The following TSC2 variants were observed in gnomAD, a reference collection of about 807,000 sequenced individuals.
TSC2 encodes the protein tuberin.
TSC2 carries 29 observed loss-of-function variants against 202.2 expected under a neutral mutation model. That is an observed-to-expected ratio of 0.14 (90% CI 0.11 to 0.20). TSC2 has a LOEUF of 0.20. Among genes scored for constraint, TSC2 ranks in the 10% least tolerant of loss-of-function variants. The probability of loss-of-function intolerance (pLI) is 1.00; values close to 1 mark genes in which losing one functional copy is unlikely to be tolerated. For synonymous variants in TSC2, 1,349 were observed against 1,044.0 expected, an observed-to-expected ratio of 1.29 and a Z score of -5.63; for missense variants, 2,429 against 2,420.0, an observed-to-expected ratio of 1.00 and a Z score of -0.08.
At chr16:2,083,941 A>C in intron 33 of TSC2, 125 bp downstream of exon 33, 1 of 1,444,270 alleles carries the variant, frequency 6.9e-7, no homozygotes, top group Non-Finnish European at 9.2e-7. Flanking sequence ...GTTCTTCCAC[A>C]TCCCTCGTGC....
intron 39 of TSC2, 26 bp from the exon 40 acceptor site, chr16:2,088,022 C>G (rs1203670927): frequency 6.2e-7 from 1 of 1,611,508 alleles, no homozygotes; most frequent in Non-Finnish European, 8.5e-7. Context: ...AGCCCTGGGC[C>G]TGGCGTGACC....
At chr16:2,082,232 G>A in intron 31 of TSC2, 1 of 629,742 alleles carries the variant, frequency 1.6e-6, no homozygotes, top group East Asian at 2.7e-5. Flanking sequence ...AGCGGCCTAG[G>A]ACGTCTATTC....
intron 16 of TSC2, chr16:2,068,925 C>T (rs2087800234): frequency 6.6e-6 from 1 of 150,850 alleles, no homozygotes; most frequent in Non-Finnish European, 1.5e-5. Context: ...TTTCCTGTTC[C>T]TTAAGTGGAA....
At chr16:2,054,054 C>T (rs368443882) in intron 4 of TSC2, 15 of 591,282 alleles carry the variant, frequency 2.5e-5, no homozygotes, top group African/African-American at 1.3e-4. Flanking sequence ...CTGCGCCACC[C>T]GCTGTGCCAG....
In TSC2 at chr16:2,089,417, C is replaced by T. The variant is rs1567141262; in HGVS notation, c.*807C>T. 3 of 466,834 alleles carry T rather than the reference C, an allele frequency of 6.4e-6. No homozygotes were observed. In the Admixed American group the frequency reaches 1.1e-4, roughly 17 times the overall value. 28.9% of individuals were successfully genotyped at this position (466,834 alleles called of 1,614,324 possible). A position where few individuals can be genotyped will look rare whatever the true frequency, so the allele number is the denominator to read the frequency against. ...GCCTTAGCAGTGGGGGACATCTGCC[C>T]AGGGGGTGGGGCCGGGCACAGCCCG... On this transcript the variant is annotated 3_prime_UTR_variant, in exon 42 of 42. Transcript: ENST00000219476.
intron 16 of TSC2, among the ~76,000 whole-genome samples, chr16:2,067,752 A>G (rs1298338438): frequency 6.6e-6 from 1 of 152,178 alleles, no homozygotes; most frequent in Admixed American, 6.5e-5. Flanking sequence ...CCTAGGCAAC[A>G]AGAATGAAAC....
intron 32 of TSC2, 157 bp from the exon 33 acceptor site, chr16:2,083,538 C>T: frequency 7.5e-7 from 1 of 1,327,522 alleles, no homozygotes; most frequent in South Asian, 1.3e-5. Context: ...CAGCGTCCTC[C>T]CTGCCCGCTC....
intron 3 of TSC2, among the ~76,000 whole-genome samples, chr16:2,052,354 G>T (rs550323820): frequency 1.3e-5 from 2 of 152,116 alleles, no homozygotes; most frequent in South Asian, 4.1e-4. Context: ...CTGTCACCCA[G>T]GCCGGGGTGC....
intron 7 of TSC2, 43 bp from the exon 8 acceptor site, chr16:2,056,601 G>C (rs1279748015): frequency 4.4e-6 from 7 of 1,602,156 alleles, no homozygotes; most frequent in Non-Finnish European, 5.9e-6. Flanking sequence ...CTGTGGGGAG[G>C]AGCTGGGGTA....
At chr16:2,072,619 C>T in intron 20 of TSC2, 1 of 816,162 alleles carries the variant, frequency 1.2e-6, no homozygotes, top group Non-Finnish European at 1.9e-6. Flanking sequence ...CCCATCTGTG[C>T]TTTTCCTAAG....
In TSC2 at chr16:2,056,739, C is replaced by T. The variant is rs767565673; in HGVS notation, c.744C>T (p.Asn248=). 21 of 1,611,356 alleles carry T rather than the reference C, an allele frequency of 1.3e-5. No homozygotes were observed. Among genetic ancestry groups the T allele is most frequent in the Admixed American group, 3.3e-5 (2 of 60,002 alleles). Residue 248 remains asparagine (N), a synonymous_variant, in exon 8 of 42, where the codon AAC becomes AAT. Transcript: ENST00000219476. ...TCGTTACCCTCTGTCGCACCATCAACGTCAAGGAGCTCTGCGAGCCTTGCT... is the reference window on the plus strand; with the variant it reads ...TCGTTACCCTCTGTCGCACCATCAATGTCAAGGAGCTCTGCGAGCCTTGCT... ...LFIVTLCRTI[N]VKELCEPCWK... is the part of the protein sequence containing the mutation.
In TSC2 at chr16:2,084,319, A is replaced by C. The variant is rs755461310; in HGVS notation, c.4097A>C (p.Glu1366Ala). The change falls in exon 34 of 42, where the codon GAG becomes GCG. Residue 1366 changes from glutamate (E) to alanine (A), a missense_variant. Physicochemically the swap from Glu to Ala is moderately radical, Grantham distance 107. Transcript: ENST00000219476. The stretch of plus-strand genomic sequence containing the variant: ...CCCATCGAGCGAGTCGTCTCCTCGG[A>C]GGGTGGCCGGCCCTCTGTGGACCTC... Reference protein sequence around the residue: ...GIPIERVVSSEGGRPSVDLSF... With the variant: ...GIPIERVVSSAGGRPSVDLSF... The C allele has an allele frequency of 3.1e-6, 5 of 1,612,684 alleles. No homozygotes were observed. The highest frequency in any genetic ancestry group is 4.2e-6 in the Non-Finnish European group (5 of 1,179,956).
Position 2,086,721 on chromosome 16 carries a change from C to G in TSC2, c.4850-11C>G. The G allele has an allele frequency of 1.2e-6, 2 of 1,609,292 alleles. No individual in the cohort carries two copies. Among genetic ancestry groups the G allele is most frequent in the Non-Finnish European group, 1.7e-6 (2 of 1,179,936 alleles). On this transcript the variant is annotated splice_polypyrimidine_tract_variant and intron_variant, in intron 37 of 41. Transcript: ENST00000219476. ...GGCCCCACAAACCCATCCGGCCCTG[C>G]TCACCCTCAGCCGTCTTCCACATCG... is the stretch of plus-strand genomic sequence containing the variant.
At chr16:2,078,313 C>T (rs555006865) in intron 26 of TSC2, 22 of 164,058 alleles carry the variant, frequency 1.3e-4, no homozygotes, top group African/African-American at 2.4e-4. Flanking sequence ...GTCATCGCTG[C>T]TGGCACTGGC....
chr16:2,074,531 G>T, intron 22 of TSC2, 142 bp downstream of exon 22: 1 of 1,052,852 alleles, frequency 9.5e-7, no homozygotes, highest in Non-Finnish European at 1.4e-6. Flanking sequence ...GGGCGTCTCT[G>T]CCCGGCTGCC....
rs1462726934 is a variant in TSC2, at chr16:2,048,052, TGG to T, written c.-42_-41del. On this transcript the variant is annotated 5_prime_UTR_variant, in exon 1 of 42. Coordinates refer to ENST00000219476, the MANE Select transcript of TSC2 (RefSeq NM_000548.5). Reference sequence around the variant, plus strand: ...CGCGTCGGGGCGGCCCGGAGCGCGGTGGCGCGGCGCGGGGTAAGTGGCGGTCC... The same window carrying T: ...CGCGTCGGGGCGGCCCGGAGCGCGGTCGCGGCGCGGGGTAAGTGGCGGTCC... The T allele has an allele frequency of 2.8e-5, 40 of 1,423,498 alleles. No individual in the cohort carries two copies. Among genetic ancestry groups the T allele is most frequent in the Admixed American group, 1.5e-4 (5 of 33,922 alleles). The allele number at this position is 1,423,498 out of a possible 1,614,324, so 88.2% of individuals were successfully genotyped here.
At chr16:2,086,154 C>T (rs371450375) in intron 36 of TSC2, 39 bp from the exon 37 acceptor site, 40 of 1,610,858 alleles carry the variant, frequency 2.5e-5, no homozygotes, top group African/African-American at 6.7e-5. Context: ...GGGCCCGGCC[C>T]GGGAGTGATG....
chr16:2,066,397 T>C (rs77507466), intron 16 of TSC2: 7,304 of 152,444 alleles, frequency 0.048, 211 homozygotes, highest in Middle Eastern at 0.11. Flanking sequence ...GCACATTTTG[T>C]CTGTCCGTTC....
At chr16:2,075,711 T>G (rs1458783970) in intron 22 of TSC2, 88 bp from the exon 23 acceptor site, 15 of 1,404,958 alleles carry the variant, frequency 1.1e-5, no homozygotes, top group Admixed American at 5.3e-5. Flanking sequence ...CAGCACCCCA[T>G]CGCTGCCGTG....
Sources: allele counts gnomAD v4.1 joint callset (sites outside exome capture counted in the v4.1 genomes callset), GRCh38; gene constraint gnomAD v4.1.1; transcripts MANE v1.5; gene names NCBI Gene and HGNC (gene_info 2026-07-23, HGNC 2026-07-21).